The following SLC15A5 variants were observed in gnomAD, a reference collection of about 807,000 sequenced individuals.
SLC15A5 encodes the protein Peptide/histidine transporter ENSP00000340402.
SLC15A5 carries 58 observed loss-of-function variants against 56.1 expected under a neutral mutation model. The observed-to-expected ratio is 1.03, with a 90% CI of 0.84 to 1.29. The LOEUF is 1.29. Among genes scored for constraint, SLC15A5 ranks in the 50% most tolerant of loss-of-function variants. The pLI is 0.00. For synonymous variants in SLC15A5, 264 were observed against 250.5 expected (o/e 1.05, Z -0.51); for missense variants, 681 against 672.1 (o/e 1.01, Z -0.15).
chr12:16,240,922 C>G (rs1864408027), intron 4 of SLC15A5, among the ~76,000 whole-genome samples: 1 of 152,102 alleles, frequency 6.6e-6, no homozygotes, highest in African/African-American at 2.4e-5. Context: ...ACGCCATTCT[C>G]CTGCCTCAGC....
At chr12:16,212,898 G>GA (rs949726399) in intron 7 of SLC15A5, among the ~76,000 whole-genome samples, 1 of 152,038 alleles carries the variant, frequency 6.6e-6, no homozygotes, top group Admixed American at 6.6e-5. Context: ...CATCTAATTA[G>GA]AAAAAAGAAC....
At chr12:16,232,481 C>T (rs141904034) in intron 5 of SLC15A5, among the ~76,000 whole-genome samples, 1 of 152,024 alleles carries the variant, frequency 6.6e-6, no homozygotes, top group African/African-American at 2.4e-5. Context: ...TTGAAAGAGC[C>T]CACCTGGGTC....
intron 8 of SLC15A5, among the ~76,000 whole-genome samples, chr12:16,192,866 A>G (rs1863849919): frequency 6.6e-6 from 1 of 152,142 alleles, no homozygotes. Flanking sequence ...AAGCCTTATG[A>G]TACAGTTACT....
chr12:16,211,170 G>C lies in SLC15A5; in HGVS notation c.1483+5723C>G, dbSNP rs1342097817. Among the ~76,000 whole-genome samples the C allele has an allele frequency of 2.0e-5, 3 of 152,220 alleles. 1 individual carries two copies. Among genetic ancestry groups the C allele is most frequent in the Non-Finnish European group, 4.4e-5 (3 of 68,042 alleles). On this transcript the variant is annotated intron_variant, in intron 7 of 8. Coordinates refer to ENST00000344941, the MANE Select transcript of SLC15A5 (RefSeq NM_001170798.1). ...ACCCGAGGCATAGATCTGAATTTGA[G>C]GAAGCGTATCTCTTAGATAATAGGT...
rs1408560866 is a variant in SLC15A5 at position 16,271,878 on chromosome 12, G to A, written c.584+683C>T. ...ATAAGAACTCGTTGGGAGAGACAAA[G>A]ATTCACAGGAAGGCTGTTTGATTTT... On this transcript the variant is annotated intron_variant, in intron 2 of 8. Coordinates refer to ENST00000344941, the MANE Select transcript of SLC15A5 (RefSeq NM_001170798.1). The surrounding 1 kb of genome is among the most constrained non-coding windows in gnomAD (Gnocchi z 8.0). 6.6e-6 allele frequency among the ~76,000 whole-genome samples: 1 copy of A among 152,156 alleles called. No homozygotes were observed. Among genetic ancestry groups the A allele is most frequent in the Middle Eastern group, 3.2e-3 (1 of 316 alleles).
chr12:16,197,795 G>A (rs559986310), intron 7 of SLC15A5, among the ~76,000 whole-genome samples: 2 of 150,018 alleles, frequency 1.3e-5, no homozygotes, highest in East Asian at 3.9e-4. Context: ...GTTGTAAAAT[G>A]TTCCGTTTAA....
At chr12:16,202,094 TAGAC>T (rs1457857829) in intron 7 of SLC15A5, among the ~76,000 whole-genome samples, 6 of 152,012 alleles carry the variant, frequency 3.9e-5, no homozygotes, top group African/African-American at 1.4e-4. Flanking sequence ...AAAGGAAAAA[TAGAC>T]AAATGAGAAT....
At chr12:16,268,569 A>G (rs1864718055) in intron 2 of SLC15A5, among the ~76,000 whole-genome samples, 1 of 152,162 alleles carries the variant, frequency 6.6e-6, no homozygotes, top group African/African-American at 2.4e-5. Flanking sequence ...TGATTTTACG[A>G]TTGAAGAGTA....
At chr12:16,199,419 C>T (rs1055728544) in intron 7 of SLC15A5, among the ~76,000 whole-genome samples, 21 of 152,036 alleles carry the variant, frequency 1.4e-4, no homozygotes, top group African/African-American at 4.8e-4. Context: ...AACAGACCCT[C>T]ACCACAGAAA....
chr12:16,195,970 T>C (rs1863890876), intron 7 of SLC15A5, among the ~76,000 whole-genome samples: 1 of 152,036 alleles, frequency 6.6e-6, no homozygotes, highest in Admixed American at 6.6e-5. Flanking sequence ...ATAGCACAAA[T>C]AAATAAAACG....
At chr12:16,240,815 T>C (rs1346783495) in intron 4 of SLC15A5, among the ~76,000 whole-genome samples, 1 of 150,336 alleles carries the variant, frequency 6.7e-6, no homozygotes, top group Non-Finnish European at 1.5e-5. Context: ...TGATCTTTTT[T>C]ATTTTTATTT....
chr12:16,234,586 T>C lies in SLC15A5; in HGVS notation c.1162+5095A>G, dbSNP rs530198957. 3.6e-4 allele frequency among the ~76,000 whole-genome samples: 55 copies of C among 152,190 alleles called. 1 individual carries two copies. The highest frequency in any genetic ancestry group is 1.0e-4 in the Non-Finnish European group (7 of 68,018). ...ACATTTTAAACCTCTAGCAGATCTG[T>C]ACTTACAAGATAAAGCACAATGGTT... On this transcript the variant is annotated intron_variant, in intron 5 of 8. Transcript: ENST00000344941.
In SLC15A5 at chr12:16,271,641, A is replaced by G. The variant is rs762843139; in HGVS notation, c.584+920T>C. On this transcript the variant is annotated intron_variant, in intron 2 of 8. Transcript: ENST00000344941. This position sits in a 1 kb window ranked among gnomAD's most constrained non-coding sequence, Gnocchi z 8.0. ...GCCTCGGATAGCTACATATGCCTATACATACACATATAGACACTATTTACT... is the reference window on the plus strand; with the variant it reads ...GCCTCGGATAGCTACATATGCCTATGCATACACATATAGACACTATTTACT... 1.3e-5 allele frequency among the ~76,000 whole-genome samples: 2 copies of G among 152,192 alleles called. No homozygotes were observed. The highest frequency in any genetic ancestry group is 4.8e-5 in the African/African-American group (2 of 41,450).
chr12:16,277,252 T>C (rs1864829456), intron 1 of SLC15A5, 73 bp downstream of exon 1: 1 of 1,361,126 alleles, frequency 7.3e-7, no homozygotes, highest in Non-Finnish European at 9.7e-7. Flanking sequence ...GTGAAAATAA[T>C]ATAAACTAAA....
rs1057065124 is a variant in SLC15A5, at chr12:16,204,019, T to G, written c.1484-9566A>C. On this transcript the variant is annotated intron_variant, in intron 7 of 8. Transcript: ENST00000344941. ...CAACAAGAAATGATCAGGATTTATATGAAGAAAAAACCTTACTGAACTCAA... is the reference window on the plus strand; with the variant it reads ...CAACAAGAAATGATCAGGATTTATAGGAAGAAAAAACCTTACTGAACTCAA... Among the ~76,000 whole-genome samples, 11 of 152,274 alleles carry G rather than the reference T, an allele frequency of 7.2e-5. No homozygotes were observed. The East Asian group carries it at 2.1e-3, about 29-fold the overall frequency.
intron 2 of SLC15A5, among the ~76,000 whole-genome samples, 158 bp from the exon 3 acceptor site, chr12:16,258,028 T>C (rs1016277918): frequency 2.0e-5 from 3 of 152,214 alleles, no homozygotes; most frequent in African/African-American, 7.2e-5. Flanking sequence ...CTTAAGTATA[T>C]AAACATCAGC....
Position 16,224,594 on chromosome 12 carries a change from T to G in SLC15A5, c.1171A>C (p.Asn391His), listed in dbSNP as rs1864221193. The G allele has an allele frequency of 6.5e-7, 1 of 1,528,518 alleles. No homozygotes were observed. The highest frequency in any genetic ancestry group is 8.8e-7 in the Non-Finnish European group (1 of 1,142,292). 94.7% of individuals were successfully genotyped at this position (1,528,518 alleles called of 1,614,324 possible). A position where few individuals can be genotyped will look rare whatever the true frequency, so the allele number is the denominator to read the frequency against. Residue 391 changes from asparagine (N) to histidine (H), a missense_variant, in exon 6 of 9, where the codon AAT becomes CAT. Physicochemically the swap from Asn to His is moderately conservative, Grantham distance 68 (BLOSUM62 1). Transcript: ENST00000344941. ...SFLSTCIIAG[N>H]LFAALSVMIA... ...ATCACAGACAATGCAGCAAAAAGAT[T>G]TCCAGCAACTGAAGGAAAATAATGC...
chr12:16,265,993 TCAAA>T (rs1472876987), intron 2 of SLC15A5, among the ~76,000 whole-genome samples: 2 of 152,132 alleles, frequency 1.3e-5, no homozygotes, highest in Admixed American at 6.5e-5. Context: ...AATCAATTAA[TCAAA>T]CAAACACAAC....
At chr12:16,224,805 G>T (rs1204028444) in intron 5 of SLC15A5, among the ~76,000 whole-genome samples, 1 of 151,302 alleles carries the variant, frequency 6.6e-6, no homozygotes, top group African/African-American at 2.4e-5. Flanking sequence ...GTATACATGT[G>T]CCATGTTGGT....
Sources: gnomAD v4.1 joint callset for allele counts (sites outside exome capture counted in the v4.1 genomes callset) on GRCh38, gnomAD v4.1.1 for gene constraint, Gnocchi (gnomAD v3.1) non-coding constraint, MANE v1.5 for transcripts, NCBI Gene and HGNC (gene_info 2026-07-23, HGNC 2026-07-21) for gene names.